PJA2: variants seen among roughly 807,000 people sequenced by gnomAD.
PJA2 encodes praja ring finger ubiquitin ligase 2, also known as E3 ubiquitin-protein ligase Praja-2.
PJA2 carries 25 observed loss-of-function variants against 69.3 expected under a neutral mutation model. The observed-to-expected ratio is 0.36, with a 90% CI of 0.26 to 0.50. The LOEUF (loss-of-function observed/expected upper bound fraction) is 0.50, where lower values mean the gene tolerates loss of function less well. Ranked by LOEUF, PJA2 falls within the 20% of genes least tolerant of loss-of-function variation. The probability of loss-of-function intolerance (pLI) is 0.96; values close to 1 mark genes in which losing one functional copy is unlikely to be tolerated. For synonymous variants in PJA2, 308 were observed against 277.8 expected (o/e 1.11, Z -1.08); for missense variants, 809 against 830.2 (o/e 0.97, Z 0.31).
At chr5:109,341,538 G>A (rs1183210592) in intron 9 of PJA2, among the ~76,000 whole-genome samples, 2 of 142,114 alleles carry the variant, frequency 1.4e-5, no homozygotes, top group East Asian at 2.2e-4. Flanking sequence ...CACCCCGTCC[G>A]GGAGGGAGGT....
chr5:109,378,239 T>C lies in PJA2; in HGVS notation c.1248A>G (p.Gly416=), dbSNP rs199872943. The stretch of plus-strand genomic sequence containing the variant: ...CTTTGTCATAGAGTTGGTAATAATC[T>C]CCACAGCCATTCCAAAAGGTGTTAT... ...EVDNTFWNGC[G]DYYQLYDKDE... The change falls in exon 4 of 10, where the codon GGA becomes GGG. Residue 416 remains glycine, a synonymous_variant. Coordinates refer to ENST00000361189, the MANE Select transcript of PJA2 (RefSeq NM_014819.5). 6.2e-7 allele frequency: 1 copy of C among 1,613,600 alleles called. No individual in the cohort carries two copies. The highest frequency in any genetic ancestry group is 1.1e-5 in the South Asian group (1 of 91,020).
chr5:109,342,949 A>AG (rs1762104269), intron 9 of PJA2, among the ~76,000 whole-genome samples: 1 of 38,670 alleles, frequency 2.6e-5, no homozygotes, highest in Non-Finnish European at 5.5e-5. Context: ...CTGCCCGGCC[A>AG]CCCCTACTGG....
At chr5:109,403,700 C>A (rs776014183) in intron 1 of PJA2, among the ~76,000 whole-genome samples, 2 of 150,440 alleles carry the variant, frequency 1.3e-5, no homozygotes, top group African/African-American at 2.4e-5. Context: ...CAGAAACAAA[C>A]CATATGATCA....
chr5:109,364,458 C>T (rs1179153112), intron 5 of PJA2, among the ~76,000 whole-genome samples: 1 of 151,202 alleles, frequency 6.6e-6, no homozygotes, highest in South Asian at 2.1e-4. Flanking sequence ...CCCGTCTCTA[C>T]TAAAAATACA....
chr5:109,391,368 T>C (rs760631214), intron 1 of PJA2, among the ~76,000 whole-genome samples: 1 of 152,208 alleles, frequency 6.6e-6, no homozygotes, highest in Non-Finnish European at 1.5e-5. Flanking sequence ...CTAAATAACA[T>C]ATTTTAATGT....
chr5:109,374,461 G>A (rs762123660), intron 4 of PJA2, among the ~76,000 whole-genome samples: 2 of 152,166 alleles, frequency 1.3e-5, no homozygotes, highest in Admixed American at 6.6e-5. Context: ...CAGGAAAGGC[G>A]CTTAATTCAG....
intron 2 of PJA2, among the ~76,000 whole-genome samples, chr5:109,382,437 C>A (rs1582617212): frequency 6.6e-6 from 1 of 152,148 alleles, no homozygotes; most frequent in African/African-American, 2.4e-5. Flanking sequence ...CTAAGTAGTA[C>A]ATTATTATAC....
intron 7 of PJA2, among the ~76,000 whole-genome samples, chr5:109,355,345 T>C (rs1762396837): frequency 6.6e-6 from 1 of 152,184 alleles, no homozygotes; most frequent in African/African-American, 2.4e-5. Context: ...TTCCCAAACA[T>C]GAAAATACTT....
intron 1 of PJA2, chr5:109,409,019 G>A (rs796284900): frequency 6.6e-6 from 1 of 150,736 alleles, no homozygotes; most frequent in African/African-American, 2.4e-5. Flanking sequence ...TTTTTTTAAT[G>A]TCCGGAGAAG....
At chr5:109,381,364 A>G in intron 3 of PJA2, 139 bp downstream of exon 3, 1 of 631,906 alleles carries the variant, frequency 1.6e-6, no homozygotes, top group South Asian at 2.2e-5. Context: ...TTCAATAAGA[A>G]TTTCAAAATA....
chr5:109,394,674 G>A (rs1381064312), intron 1 of PJA2, among the ~76,000 whole-genome samples: 2 of 152,128 alleles, frequency 1.3e-5, no homozygotes, highest in Non-Finnish European at 2.9e-5. Flanking sequence ...GCAAAAACAT[G>A]CAATTAATTA....
At chr5:109,339,455 TGAAAA>T (rs1210731647) in intron 9 of PJA2, among the ~76,000 whole-genome samples, 1 of 151,678 alleles carries the variant, frequency 6.6e-6, no homozygotes, top group Non-Finnish European at 1.5e-5. Flanking sequence ...AAAAAAGAAA[TGAAAA>T]GAAAGTACCT....
At chr5:109,364,095 A>T (rs1236475939) in intron 5 of PJA2, among the ~76,000 whole-genome samples, 2 of 152,182 alleles carry the variant, frequency 1.3e-5, no homozygotes, top group Non-Finnish European at 2.9e-5. Context: ...GTGAGCTGAG[A>T]TCACACCACT....
At chr5:109,409,171 G>C (rs1447595675) in intron 1 of PJA2, 4 of 152,112 alleles carry the variant, frequency 2.6e-5, no homozygotes, top group Non-Finnish European at 5.9e-5. Context: ...CCAAATTAAA[G>C]GTGCATCTGC....
At chr5:109,403,239 A>G (rs1188296313) in intron 1 of PJA2, among the ~76,000 whole-genome samples, 1 of 152,164 alleles carries the variant, frequency 6.6e-6, no homozygotes, top group Admixed American at 6.5e-5. Context: ...AAATGAAATA[A>G]GACAAATGCC....
At chr5:109,395,184 C>T (rs1214955225) in intron 1 of PJA2, among the ~76,000 whole-genome samples, 1 of 152,034 alleles carries the variant, frequency 6.6e-6, no homozygotes, top group South Asian at 2.1e-4. Flanking sequence ...AAAAGTGTAA[C>T]ATACATGAGA....
chr5:109,408,583 T>C (rs1359459299), intron 1 of PJA2, among the ~76,000 whole-genome samples: 2 of 152,168 alleles, frequency 1.3e-5, no homozygotes, highest in Admixed American at 1.3e-4. Context: ...AGAAGTGCAT[T>C]TGCAAGATTT....
chr5:109,360,172 A>G (rs1762484320), intron 6 of PJA2, among the ~76,000 whole-genome samples: 1 of 152,214 alleles, frequency 6.6e-6, no homozygotes, highest in African/African-American at 2.4e-5. Context: ...TTAACTTCTC[A>G]CAATCTTATT....
intron 4 of PJA2, among the ~76,000 whole-genome samples, chr5:109,373,463 A>G (rs1430608680): frequency 1.3e-5 from 2 of 152,226 alleles, no homozygotes; most frequent in African/African-American, 4.8e-5. Context: ...TCACATTTAC[A>G]TATTTTTAAC....
Sources: allele counts gnomAD v4.1 joint callset (sites outside exome capture counted in the v4.1 genomes callset), GRCh38; gene constraint gnomAD v4.1.1; transcripts MANE v1.5; gene names NCBI Gene and HGNC (gene_info 2026-07-23, HGNC 2026-07-21).